The following PRR33 variants were observed in gnomAD, a reference collection of about 807,000 sequenced individuals.
PRR33 encodes the protein proline-rich protein 33.
In PRR33, 1 loss-of-function variant was observed where a neutral mutation model predicts 0.5. The observed-to-expected ratio is 2.18, with a 90% CI of 0.77 to 10.34. The LOEUF (loss-of-function observed/expected upper bound fraction) is 10.34. Ranked by LOEUF, PRR33 falls within the 30% of genes most tolerant of loss-of-function variation. The pLI, the probability that PRR33 is intolerant of heterozygous loss-of-function variation, is 0.13. For synonymous variants in PRR33, 226 were observed against 110.0 expected, an observed-to-expected ratio of 2.06 and a Z score of -6.60; for missense variants, 552 against 251.8, an observed-to-expected ratio of 2.19 and a Z score of -8.07.
At chr11:1,908,254 G>C in the PRR33 span, among the ~76,000 whole-genome samples, 129 of 152,234 alleles carry the variant, frequency 8.5e-4, 1 homozygote, top group African/African-American at 3.0e-3. Context: ...GTTCTTGGCC[G>C]TTCCTTCGTG....
chr11:1,890,265 A>T (rs1218946224), exon 1 of PRR33: 1 of 713,850 alleles, frequency 1.4e-6, no homozygotes, highest in Non-Finnish European at 2.6e-6. Context: ...GGCAGCCACC[A>T]TGCGGGGAGC....
At chr11:1,902,011 T>C in the PRR33 span, among the ~76,000 whole-genome samples, 1 of 152,052 alleles carries the variant, frequency 6.6e-6, no homozygotes, top group Non-Finnish European at 1.5e-5. Context: ...GGCGGGTGGA[T>C]CATGAGGTCA....
chr11:1,889,036 T>C, exon 1 of PRR33: 1 of 576,734 alleles, frequency 1.7e-6, no homozygotes, highest in South Asian at 2.1e-5. Context: ...CCCATGCCCC[T>C]TGGGCCCTGG....
chr11:1,913,275 C>T, the PRR33 span, among the ~76,000 whole-genome samples: 1 of 151,600 alleles, frequency 6.6e-6, no homozygotes, highest in Non-Finnish European at 1.5e-5. Flanking sequence ...TACAGGCACC[C>T]ACCACCACGC....
chr11:1,898,369 G>T, the PRR33 span, among the ~76,000 whole-genome samples: 55 of 152,144 alleles, frequency 3.6e-4, no homozygotes, highest in African/African-American at 1.3e-3. Flanking sequence ...ACGATTAGTT[G>T]AGATTACAGG....
At chr11:1,889,225 G>A in exon 1 of PRR33, 1 of 675,926 alleles carries the variant, frequency 1.5e-6, no homozygotes, top group Non-Finnish European at 2.7e-6. Context: ...CGGACTGTGG[G>A]AGGGGGCCGG....
chr11:1,889,282 AG>A, the PRR33 span: 1 of 697,430 alleles, frequency 1.4e-6, no homozygotes, highest in African/African-American at 1.8e-5. Context: ...CGGTACAGGA[AG>A]GGCAGGCGGG....
the PRR33 span, among the ~76,000 whole-genome samples, chr11:1,912,081 G>A: frequency 6.6e-6 from 1 of 151,604 alleles, no homozygotes; most frequent in African/African-American, 2.4e-5. Context: ...GTGAGGTGGG[G>A]GAGATCGCTT....
the PRR33 span, among the ~76,000 whole-genome samples, chr11:1,900,769 G>A: frequency 2.0e-5 from 3 of 152,234 alleles, no homozygotes; most frequent in South Asian, 2.1e-4. Context: ...TATTAATGAC[G>A]TATTCACAAA....
chr11:1,889,744 G>C, exon 1 of PRR33: 4 of 657,292 alleles, frequency 6.1e-6, no homozygotes, highest in Non-Finnish European at 1.1e-5. Context: ...AGGCTGTGCG[G>C]TGAGGACTCC....
exon 1 of PRR33, chr11:1,889,425 AGGGCGGGCACCTCCTGCTCTGTGG>A: frequency 1.5e-6 from 1 of 671,214 alleles, no homozygotes; most frequent in Non-Finnish European, 2.8e-6. Context: ...GGGTGCGGTG[AGGGCGGGCACCTCCTGCTCTGTGG>A]GGGCAGGCAC....
At chr11:1,889,174 G>T in exon 1 of PRR33, 1 of 674,762 alleles carries the variant, frequency 1.5e-6, no homozygotes, top group Non-Finnish European at 2.8e-6. Flanking sequence ...GTCGCTGTGC[G>T]GTTGAAGTTC....
upstream of PRR33, among the ~76,000 whole-genome samples, chr11:1,892,932 A>G (rs184890766): frequency 2.7e-5 from 4 of 147,814 alleles, no homozygotes; most frequent in Admixed American, 1.3e-4. Flanking sequence ...GGGTGAGTGG[A>G]TGAATAGGGG....
the PRR33 span, among the ~76,000 whole-genome samples, chr11:1,912,306 A>G: frequency 6.6e-6 from 1 of 151,880 alleles, no homozygotes; most frequent in South Asian, 2.1e-4. Flanking sequence ...TTGTCTTTGC[A>G]CCCCTGATTC....
At chr11:1,912,207 G>T in the PRR33 span, among the ~76,000 whole-genome samples, 1 of 151,676 alleles carries the variant, frequency 6.6e-6, no homozygotes, top group Admixed American at 6.6e-5. Flanking sequence ...TAATAATAAA[G>T]GACCCCCTTG....
chr11:1,914,727 T>C, the PRR33 span, among the ~76,000 whole-genome samples: 2 of 150,624 alleles, frequency 1.3e-5, no homozygotes, highest in East Asian at 3.9e-4. Context: ...TGTTGCTCTG[T>C]GTGTGTGTTG....
the PRR33 span, among the ~76,000 whole-genome samples, chr11:1,913,798 C>T: frequency 6.6e-6 from 1 of 152,258 alleles, no homozygotes; most frequent in African/African-American, 2.4e-5. Flanking sequence ...CGTTTCGTTC[C>T]AGTCCTAGAC....
the PRR33 span, among the ~76,000 whole-genome samples, chr11:1,914,864 T>TGA: frequency 6.7e-6 from 1 of 149,104 alleles, no homozygotes. Context: ...TGTGTGTGTG[T>TGA]GTGTGTGTGT....
upstream of PRR33, among the ~76,000 whole-genome samples, chr11:1,893,547 G>T (rs950084895): frequency 6.6e-6 from 1 of 150,506 alleles, no homozygotes; most frequent in African/African-American, 2.5e-5. Flanking sequence ...ATGGATGAAG[G>T]GATGGCTGGA....
Sources: gnomAD v4.1 joint callset for allele counts (sites outside exome capture counted in the v4.1 genomes callset) on GRCh38, gnomAD v4.1.1 for gene constraint, MANE v1.5 for transcripts, NCBI Gene and HGNC (gene_info 2026-07-23, HGNC 2026-07-21) for gene names.